The following UIMC1 variants were observed in gnomAD, a reference collection of about 807,000 sequenced individuals.
UIMC1 encodes the protein ubiquitin interaction motif containing 1.
A neutral mutation model predicts 84.9 loss-of-function variants in UIMC1; 42 were observed. The observed-to-expected ratio is 0.49, with a 90% CI of 0.39 to 0.64. The LOEUF (loss-of-function observed/expected upper bound fraction) is 0.64. Ranked by LOEUF, UIMC1 falls within the 30% of genes least tolerant of loss-of-function variation. The probability of loss-of-function intolerance (pLI) is 0.00; values close to 1 mark genes in which losing one functional copy is unlikely to be tolerated. For synonymous variants in UIMC1, 281 were observed against 293.0 expected (o/e 0.96, Z 0.42); for missense variants, 825 against 847.6 (o/e 0.97, Z 0.33).
chr5:176,960,175 TTAAA>T (rs1427022295), intron 6 of UIMC1, among the ~76,000 whole-genome samples: 2 of 152,146 alleles, frequency 1.3e-5, no homozygotes, highest in Admixed American at 6.5e-5. Context: ...CTTCGAGAGG[TTAAA>T]TAATTTGCCC....
intron 8 of UIMC1, among the ~76,000 whole-genome samples, chr5:176,952,108 A>G (rs1765960134): frequency 6.6e-6 from 1 of 152,204 alleles, no homozygotes. Context: ...GTAGCATTCC[A>G]TTGTATAGAT....
At chr5:176,924,309 A>T (rs1056993582) in intron 10 of UIMC1, among the ~76,000 whole-genome samples, 8 of 149,928 alleles carry the variant, frequency 5.3e-5, no homozygotes, top group Admixed American at 2.6e-4. Context: ...CAAGAGTGAG[A>T]ATTCGTCTCA....
chr5:176,972,022 T>TA (rs1257242171), intron 3 of UIMC1, among the ~76,000 whole-genome samples: 1 of 152,234 alleles, frequency 6.6e-6, no homozygotes, highest in African/African-American at 2.4e-5. Flanking sequence ...TGAAAACTGA[T>TA]AAAATAATAG....
intron 10 of UIMC1, among the ~76,000 whole-genome samples, chr5:176,932,522 TAGAC>T (rs34037908): frequency 1.8e-4 from 28 of 151,762 alleles, no homozygotes; most frequent in Non-Finnish European, 2.9e-4. Flanking sequence ...GATAGACAGA[TAGAC>T]AGACAGACAG....
At chr5:176,981,473 T>C (rs993093472) in intron 2 of UIMC1, among the ~76,000 whole-genome samples, 1 of 151,988 alleles carries the variant, frequency 6.6e-6, no homozygotes, top group African/African-American at 2.4e-5. Flanking sequence ...TCAATAAAGA[T>C]GTAAAGAAAT....
intron 10 of UIMC1, among the ~76,000 whole-genome samples, chr5:176,935,644 A>C (rs1236485322): frequency 6.6e-6 from 1 of 152,220 alleles, no homozygotes; most frequent in Non-Finnish European, 1.5e-5. Flanking sequence ...AGGCCACATT[A>C]ATATAAGTGA....
intron 10 of UIMC1, among the ~76,000 whole-genome samples, chr5:176,937,166 C>T (rs1282953153): frequency 6.6e-6 from 1 of 152,162 alleles, no homozygotes; most frequent in Non-Finnish European, 1.5e-5. Context: ...TCTAGATCAA[C>T]GTAGTCAATC....
chr5:176,977,716 C>T (rs1027858064), intron 2 of UIMC1, among the ~76,000 whole-genome samples: 18 of 151,932 alleles, frequency 1.2e-4, no homozygotes, highest in African/African-American at 4.1e-4. Context: ...TTGAGACCAG[C>T]CTGGCCAACA....
chr5:176,907,241 A>G (rs2149385176), intron 12 of UIMC1, 64 bp from the exon 13 acceptor site: 1 of 1,457,084 alleles, frequency 6.9e-7, no homozygotes, highest in East Asian at 2.3e-5. Flanking sequence ...CAACTTCCAC[A>G]GCCCAGATCA....
At chr5:176,922,053 T>C (rs556030316) in intron 10 of UIMC1, among the ~76,000 whole-genome samples, 2 of 152,338 alleles carry the variant, frequency 1.3e-5, no homozygotes, top group South Asian at 4.1e-4. Context: ...AGAATGACTC[T>C]ATTCAAATAT....
intron 1 of UIMC1, among the ~76,000 whole-genome samples, chr5:176,992,341 T>G (rs992899173): frequency 4.6e-5 from 7 of 151,970 alleles, no homozygotes; most frequent in African/African-American, 1.7e-4. Flanking sequence ...CTATCAAGAT[T>G]TGGCCAGGAA....
At chr5:176,919,119 C>T in intron 10 of UIMC1, 2 of 357,332 alleles carry the variant, frequency 5.6e-6, no homozygotes, top group Non-Finnish European at 1.1e-5. Flanking sequence ...GAGATATATT[C>T]ATGTACCATA....
intron 10 of UIMC1, among the ~76,000 whole-genome samples, chr5:176,928,524 C>T (rs1762668423): frequency 6.6e-6 from 1 of 152,080 alleles, no homozygotes; most frequent in Non-Finnish European, 1.5e-5. Context: ...ATTAAAAGAG[C>T]CCGAGACATT....
intron 10 of UIMC1, among the ~76,000 whole-genome samples, chr5:176,924,187 A>G (rs575430953): frequency 4.1e-4 from 61 of 149,730 alleles, no homozygotes; most frequent in African/African-American, 1.5e-3. Flanking sequence ...GCATGGTGGC[A>G]GGTGCCTGTA....
intron 3 of UIMC1, among the ~76,000 whole-genome samples, chr5:176,971,213 CTA>C (rs1769148607): frequency 6.6e-6 from 1 of 152,242 alleles, no homozygotes; most frequent in African/African-American, 2.4e-5. Flanking sequence ...AATGCCCACT[CTA>C]GAGCTTTTTG....
At chr5:176,936,839 T>C (rs1176254304) in intron 10 of UIMC1, among the ~76,000 whole-genome samples, 10 of 152,206 alleles carry the variant, frequency 6.6e-5, no homozygotes, top group Non-Finnish European at 1.3e-4. Context: ...TGCTACCTCC[T>C]GAGACCTCGG....
intron 10 of UIMC1, among the ~76,000 whole-genome samples, chr5:176,929,311 C>A (rs1320403483): frequency 6.6e-6 from 1 of 151,258 alleles, no homozygotes; most frequent in Non-Finnish European, 1.5e-5. Context: ...TGCCTGTAAT[C>A]CCAGCACTTT....
At position 176,969,233 on chromosome 5, in the gene UIMC1, G is replaced by A. The variant is rs749616728; in HGVS notation, c.522C>T (p.Asn174=). 2.5e-5 allele frequency: 41 copies of A among 1,613,976 alleles called. No individual in the cohort carries two copies. Among genetic ancestry groups the A allele is most frequent in the South Asian group, 3.3e-5 (3 of 91,088 alleles). The stretch of plus-strand genomic sequence containing the variant: ...AAGGCTCCTCTCTTTCCTCAGCCTC[G>A]TTTCCCTGACTGATATGTGAGCCTT... ...LFKGSHISQG[N]EAEEREEPWD... Residue 174 remains asparagine (N), a synonymous_variant, in exon 6 of 15, where the codon AAC becomes AAT. Coordinates refer to ENST00000511320, the MANE Select transcript of UIMC1 (RefSeq NM_001199298.2).
At chr5:176,975,356 T>C in intron 3 of UIMC1, 40 bp downstream of exon 3, 1 of 1,590,088 alleles carries the variant, frequency 6.3e-7, no homozygotes, top group Non-Finnish European at 8.6e-7. Flanking sequence ...TCTATGACTA[T>C]TACAATTCCC....
Sources: allele counts gnomAD v4.1 joint callset (sites outside exome capture counted in the v4.1 genomes callset), GRCh38; gene constraint gnomAD v4.1.1; transcripts MANE v1.5; gene names NCBI Gene and HGNC (gene_info 2026-07-23, HGNC 2026-07-21).